Variants in LRP1B observed in about 807,000 individuals in gnomAD.
LRP1B encodes the protein low-density lipoprotein receptor-related protein 1B.
A neutral mutation model predicts 556.6 loss-of-function variants in LRP1B; 217 were observed. The observed-to-expected ratio is 0.39, with a 90% CI of 0.35 to 0.44. LRP1B has a LOEUF of 0.44. Among genes scored for constraint, LRP1B ranks in the 20% least tolerant of loss-of-function variants. LRP1B has a pLI of 1.00. For missense variants in LRP1B, 5,053 were observed against 5,620.8 expected, an observed-to-expected ratio of 0.90 and a Z score of 3.23; for synonymous variants, 2,047 against 1,865.8, an observed-to-expected ratio of 1.10 and a Z score of -2.50.
chr2:140,552,033 T>G lies in LRP1B; in HGVS notation c.7195-10062A>C, dbSNP rs190638555. 3.8e-3 allele frequency among the ~76,000 whole-genome samples: 579 copies of G among 152,248 alleles called. 4 individuals are homozygous for G. The highest frequency in any genetic ancestry group is 0.012 in the African/African-American group (489 of 41,556). ...AAGGTCACAGATTTACTAAGCAATC[T>G]GATACAACGTCAGACTCGAAGCATC... On this transcript the variant is annotated intron_variant, in intron 43 of 90. Coordinates refer to ENST00000389484, the MANE Select transcript of LRP1B (RefSeq NM_018557.3).
chr2:141,254,699 A>G, intron 3 of LRP1B, 58 bp from the exon 4 acceptor site: 1 of 1,363,224 alleles, frequency 7.3e-7, no homozygotes, highest in Admixed American at 2.0e-5. Flanking sequence ...AATAGTTTGT[A>G]TTTCTCAGTG....
chr2:140,825,713 T>G (rs1691479682), intron 31 of LRP1B, among the ~76,000 whole-genome samples: 2 of 152,158 alleles, frequency 1.3e-5, no homozygotes, highest in South Asian at 2.1e-4. Flanking sequence ...ATTTTTTTTT[T>G]CTTTAACAGA....
rs575868701 is a variant in LRP1B at position 141,011,531 on chromosome 2, G to C, written c.2380+2025C>G. ...ATTGTATTGCTTGATCAAACATATA[G>C]TTAAGTACTAGGTAATTCTTAGCTA... On this transcript the variant is annotated intron_variant, in intron 14 of 90. Transcript: ENST00000389484. Among the ~76,000 whole-genome samples, 13 of 152,058 alleles carry C rather than the reference G, an allele frequency of 8.5e-5. 1 individual carries two copies. In the South Asian group the frequency reaches 2.7e-3, roughly 32 times the overall value.
chr2:141,167,754 T>C (rs1354340424), intron 7 of LRP1B, among the ~76,000 whole-genome samples: 2 of 151,988 alleles, frequency 1.3e-5, no homozygotes, highest in African/African-American at 4.8e-5. Flanking sequence ...GTAAAATTAA[T>C]AGTACTTAAA....
chr2:140,939,372 G>A (rs2105283964), intron 20 of LRP1B, among the ~76,000 whole-genome samples: 1 of 151,566 alleles, frequency 6.6e-6, no homozygotes, highest in Non-Finnish European at 1.5e-5. Context: ...AAGATAAACA[G>A]TTAAAACAGA....
intron 1 of LRP1B, among the ~76,000 whole-genome samples, chr2:141,885,897 T>C (rs986887028): frequency 1.3e-5 from 2 of 152,202 alleles, no homozygotes; most frequent in African/African-American, 4.8e-5. Context: ...AGAGTAACGG[T>C]TGCAAGAAAC....
intron 4 of LRP1B, among the ~76,000 whole-genome samples, chr2:141,250,479 T>C (rs568305541): frequency 1.5e-3 from 233 of 152,160 alleles, no homozygotes; most frequent in Admixed American, 2.7e-3. Flanking sequence ...AGAGAGGGCA[T>C]AGAAGCTTCC....
At chr2:140,322,528 T>C (rs904383619) in intron 81 of LRP1B, among the ~76,000 whole-genome samples, 1 of 138,506 alleles carries the variant, frequency 7.2e-6, no homozygotes, top group South Asian at 2.1e-4. Flanking sequence ...CCCCGCCTTG[T>C]ATTTATTAAT....
In LRP1B at chr2:140,680,806, G is replaced by A. The variant is rs377754185; in HGVS notation, c.6799+19444C>T. ...GGTCTCATCACAAAATGAGTAAGAC[G>A]AACCTCTAAAAACCTAATTTTGTGA... On this transcript the variant is annotated intron_variant, in intron 41 of 90. Coordinates refer to ENST00000389484, the MANE Select transcript of LRP1B (RefSeq NM_018557.3). Among the ~76,000 whole-genome samples, 28 of 152,228 alleles carry A rather than the reference G, an allele frequency of 1.8e-4. No individual in the cohort carries two copies. In the East Asian group the frequency reaches 1.9e-3, roughly 11 times the overall value.
intron 32 of LRP1B, among the ~76,000 whole-genome samples, chr2:140,779,814 A>T (rs575439142): frequency 6.7e-6 from 1 of 150,144 alleles, no homozygotes; most frequent in African/African-American, 2.5e-5. Flanking sequence ...TATATATCAT[A>T]AATTTACCTC....
chr2:140,790,894 A>C (rs1247865604), intron 32 of LRP1B, among the ~76,000 whole-genome samples: 2 of 152,068 alleles, frequency 1.3e-5, no homozygotes, highest in Non-Finnish European at 2.9e-5. Flanking sequence ...TGAGCCCATA[A>C]GTTTGAGACC....
intron 18 of LRP1B, among the ~76,000 whole-genome samples, chr2:140,963,916 A>G (rs1696115224): frequency 1.3e-5 from 2 of 152,226 alleles, no homozygotes; most frequent in African/African-American, 4.8e-5. Context: ...GAGTGTAGAA[A>G]TAAAGACACA....
chr2:141,143,218 C>T (rs1275176834), intron 7 of LRP1B, among the ~76,000 whole-genome samples: 1 of 152,066 alleles, frequency 6.6e-6, no homozygotes, highest in Non-Finnish European at 1.5e-5. Flanking sequence ...CGTGAGCCAC[C>T]GCACCCAGAG....
intron 2 of LRP1B, chr2:141,805,835 T>C (rs184503414): frequency 1.3e-5 from 2 of 152,250 alleles, no homozygotes; most frequent in Non-Finnish European, 2.9e-5. Flanking sequence ...ATCTGCTTTT[T>C]ACAGAAAAAG....
intron 2 of LRP1B, among the ~76,000 whole-genome samples, chr2:141,658,354 T>C (rs1213648677): frequency 1.3e-5 from 2 of 152,198 alleles, no homozygotes; most frequent in Non-Finnish European, 2.9e-5. Flanking sequence ...AAACCACAAA[T>C]GAAATTTACA....
At chr2:141,297,588 G>A (rs1686229656) in intron 3 of LRP1B, among the ~76,000 whole-genome samples, 1 of 152,084 alleles carries the variant, frequency 6.6e-6, no homozygotes, top group South Asian at 2.1e-4. Context: ...TAGTTCACAT[G>A]TTTCTTTCTT....
intron 1 of LRP1B, among the ~76,000 whole-genome samples, chr2:141,900,415 A>G (rs78974219): frequency 0.035 from 5,311 of 152,198 alleles, 121 homozygotes; most frequent in Middle Eastern, 0.082. Flanking sequence ...GTTCCTCAAG[A>G]GTTGTATGTG....
chr2:141,076,471 G>A (rs755776239), intron 7 of LRP1B, among the ~76,000 whole-genome samples: 3 of 152,174 alleles, frequency 2.0e-5, no homozygotes, highest in Non-Finnish European at 4.4e-5. Context: ...ATAATCACCA[G>A]GGGAGCTTGC....
intron 41 of LRP1B, among the ~76,000 whole-genome samples, chr2:140,610,230 G>A (rs1683021705): frequency 2.0e-5 from 3 of 152,038 alleles, no homozygotes; most frequent in Admixed American, 2.0e-4. Flanking sequence ...ACTGGAATGA[G>A]GACAGGGAAC....
Sources: gnomAD v4.1 joint callset for allele counts (sites outside exome capture counted in the v4.1 genomes callset) on GRCh38, gnomAD v4.1.1 for gene constraint, MANE v1.5 for transcripts, NCBI Gene and HGNC (gene_info 2026-07-23, HGNC 2026-07-21) for gene names.